Variants in PDE11A observed in about 807,000 individuals in gnomAD.
The protein encoded by PDE11A is phosphodiesterase 11A.
A neutral mutation model predicts 100.5 loss-of-function variants in PDE11A; 100 were observed. The observed-to-expected ratio is 1.00, with a 90% confidence interval of 0.85 to 1.18. The LOEUF is 1.18. PDE11A is among the 50% of genes most tolerant of loss of function. The pLI, the probability that PDE11A is intolerant of heterozygous loss-of-function variation, is 0.00. For missense variants in PDE11A, 1,141 were observed against 1,152.6 expected (o/e 0.99, Z 0.15); for synonymous variants, 381 against 420.8 (o/e 0.91, Z 1.16).
chr2:177,775,077 C>T (rs939292365), intron 9 of PDE11A, among the ~76,000 whole-genome samples: 2 of 152,114 alleles, frequency 1.3e-5, no homozygotes, highest in African/African-American at 2.4e-5. Flanking sequence ...GCACAGAATG[C>T]AGGTAGGTTT....
intron 2 of PDE11A, among the ~76,000 whole-genome samples, chr2:178,095,044 C>T (rs2087470778): frequency 1.3e-5 from 2 of 152,098 alleles, no homozygotes; most frequent in South Asian, 4.1e-4. Context: ...CCATATCATT[C>T]CACCCCTGAC....
intron 14 of PDE11A, 33 bp from the exon 15 acceptor site, chr2:177,697,465 A>G (rs1408222425): frequency 9.9e-7 from 1 of 1,011,120 alleles, no homozygotes; most frequent in Non-Finnish European, 1.6e-6. Context: ...CACAAAAGAC[A>G]TTAAATCTGT....
At chr2:177,643,209 G>A (rs1217131318) in intron 19 of PDE11A, among the ~76,000 whole-genome samples, 1 of 152,140 alleles carries the variant, frequency 6.6e-6, no homozygotes, top group African/African-American at 2.4e-5. Context: ...GGCAGATTTT[G>A]GAACAATTTG....
chr2:177,703,615 C>G (rs1413944380), intron 13 of PDE11A, among the ~76,000 whole-genome samples: 1 of 152,158 alleles, frequency 6.6e-6, no homozygotes, highest in Non-Finnish European at 1.5e-5. Flanking sequence ...ACCTCACTTA[C>G]TAGTGTGAAT....
At chr2:178,101,597 T>G (rs550386147) in intron 2 of PDE11A, among the ~76,000 whole-genome samples, 14 of 152,338 alleles carry the variant, frequency 9.2e-5, no homozygotes, top group African/African-American at 3.1e-4. Flanking sequence ...TGATTGGTCC[T>G]TGCAGTTTGG....
chr2:177,843,516 A>G (rs972426062), intron 5 of PDE11A, among the ~76,000 whole-genome samples: 3 of 152,194 alleles, frequency 2.0e-5, no homozygotes, highest in Admixed American at 1.3e-4. Flanking sequence ...AGAATTCCCA[A>G]AGAAGATACG....
intron 2 of PDE11A, among the ~76,000 whole-genome samples, chr2:178,079,845 T>A (rs2087260894): frequency 6.6e-6 from 1 of 152,218 alleles, no homozygotes; most frequent in Admixed American, 6.5e-5. Context: ...CAATTCTGAC[T>A]GGCATAAGAT....
intron 19 of PDE11A, among the ~76,000 whole-genome samples, chr2:177,629,800 A>G (rs1179484069): frequency 1.3e-5 from 2 of 152,244 alleles, no homozygotes; most frequent in East Asian, 3.8e-4. Flanking sequence ...ATAGCTGTGT[A>G]CAACTCTAGG....
Position 177,669,402 on chromosome 2 carries a change from A to T in PDE11A, c.2562+91T>A, listed in dbSNP as rs528635586. ...GGAGTGCTTCCTTAAACCCATTTTC[A>T]GTCTTTCCCATTTCCAACTTGTAAT... On this transcript the variant is annotated intron_variant, in intron 18 of 19. Coordinates refer to ENST00000286063, the MANE Select transcript of PDE11A (RefSeq NM_016953.4). 3.2e-4 allele frequency: 245 copies of T among 756,046 alleles called. 1 individual carries two copies. The highest frequency in any genetic ancestry group is 3.2e-3 in the African/African-American group (189 of 58,652). 46.8% of individuals were successfully genotyped at this position (756,046 alleles called of 1,614,324 possible). A position where few individuals can be genotyped will look rare whatever the true frequency, so the allele number is the denominator to read the frequency against.
intron 9 of PDE11A, among the ~76,000 whole-genome samples, chr2:177,816,352 G>C (rs2105578972): frequency 6.6e-6 from 1 of 152,314 alleles, no homozygotes; most frequent in Middle Eastern, 3.4e-3. Context: ...CATGGGAACA[G>C]GTCAAGGTTC....
rs1236567253 is a variant in PDE11A at position 177,751,070 on chromosome 2, C to A, written c.1788+18253G>T. Among the ~76,000 whole-genome samples the A allele has an allele frequency of 2.6e-5, 4 of 151,998 alleles. No individual in the cohort carries two copies. In the South Asian group the frequency reaches 6.2e-4, roughly 24 times the overall value. ...CAGAGCTGAGAGCCACTGACAGAAG[C>A]CTCTCACTTATGCATCCCAATTATC... On this transcript the variant is annotated intron_variant, in intron 10 of 19. Transcript: ENST00000286063.
chr2:178,054,342 T>C (rs2086870249), intron 1 of PDE11A, among the ~76,000 whole-genome samples: 1 of 152,172 alleles, frequency 6.6e-6, no homozygotes, highest in Admixed American at 6.5e-5. Context: ...TACACAAAAA[T>C]TAATTCCAGA....
chr2:177,775,842 G>A (rs1241090994), intron 9 of PDE11A, among the ~76,000 whole-genome samples: 1 of 152,004 alleles, frequency 6.6e-6, no homozygotes, highest in East Asian at 1.9e-4. Context: ...TTTCCTTCAT[G>A]CCACTTGCAC....
chr2:177,638,607 C>T (rs113235947), intron 19 of PDE11A, among the ~76,000 whole-genome samples: 90 of 152,036 alleles, frequency 5.9e-4, no homozygotes, highest in African/African-American at 2.1e-3. Flanking sequence ...ATTTTTTTTC[C>T]TTTGCTTTAA....
intron 12 of PDE11A, 36 bp from the exon 13 acceptor site, chr2:177,711,914 G>A: frequency 9.5e-7 from 1 of 1,051,678 alleles, no homozygotes; most frequent in South Asian, 1.3e-5. Flanking sequence ...AGTCACTACT[G>A]GGGTACGGAG....
Position 177,944,943 on chromosome 2 carries a change from G to T in PDE11A, c.1072-39756C>A, listed in dbSNP as rs1445914741. Among the ~76,000 whole-genome samples, 3 of 148,438 alleles carry T rather than the reference G, an allele frequency of 2.0e-5. 1 individual carries two copies. Among genetic ancestry groups the T allele is most frequent in the Non-Finnish European group, 4.5e-5 (3 of 66,786 alleles). On this transcript the variant is annotated intron_variant, in intron 2 of 19. Transcript: ENST00000286063. ...TGCAACCTCCCTGCCTGATTCTCCT[G>T]CCTCAGCCTGCTGAGTGCCTGCCAT...
At chr2:177,970,062 A>T (rs1029443124) in intron 2 of PDE11A, among the ~76,000 whole-genome samples, 3 of 152,190 alleles carry the variant, frequency 2.0e-5, no homozygotes, top group African/African-American at 7.2e-5. Context: ...AGCAAAGATA[A>T]CAAGCTGGGA....
intron 5 of PDE11A, among the ~76,000 whole-genome samples, chr2:177,865,343 A>G (rs1359161145): frequency 6.6e-6 from 1 of 152,196 alleles, no homozygotes; most frequent in East Asian, 1.9e-4. Flanking sequence ...AATGGCTATA[A>G]CTAAAAGAAA....
rs188339256 is a variant in PDE11A, at chr2:178,024,283, A to C, written c.913-9823T>G. Among the ~76,000 whole-genome samples the C allele has an allele frequency of 6.2e-4, 95 of 152,202 alleles. 1 individual carries two copies. The highest frequency in any genetic ancestry group is 2.1e-3 in the African/African-American group (86 of 41,556). ...AAAAATTAGCCGGGCATAGTGGTGC[A>C]CACCTGTAATCCCAGCTACTCGGGA... On this transcript the variant is annotated intron_variant, in intron 1 of 19. Transcript: ENST00000286063.
Sources: allele counts gnomAD v4.1 joint callset (sites outside exome capture counted in the v4.1 genomes callset), GRCh38; gene constraint gnomAD v4.1.1; transcripts MANE v1.5; gene names NCBI Gene and HGNC (gene_info 2026-07-23, HGNC 2026-07-21).